SRGAP3: variants seen among roughly 807,000 people sequenced by gnomAD.
SRGAP3 encodes the protein SLIT-ROBO Rho GTPase-activating protein 3.
Under a neutral mutation model 121.1 loss-of-function variants are expected in SRGAP3, and 39 were observed. The observed-to-expected ratio is 0.32, with a 90% CI of 0.25 to 0.42. The LOEUF is 0.42. Ranked by LOEUF, SRGAP3 falls within the 10% of genes least tolerant of loss-of-function variation. The pLI is 1.00. For synonymous variants in SRGAP3, 601 were observed against 570.0 expected (o/e 1.05, Z -0.77); for missense variants, 1,213 against 1,470.6 (o/e 0.82, Z 2.86).
chr3:9,243,373 G>A (rs943740171), intron 1 of SRGAP3, among the ~76,000 whole-genome samples: 46 of 152,110 alleles, frequency 3.0e-4, no homozygotes, highest in African/African-American at 1.0e-3. Context: ...GGTGGCTCAC[G>A]TCTGTAATCC....
chr3:9,295,892 C>T (rs1439873796), intron 3 of SRGAP3, among the ~76,000 whole-genome samples: 8 of 152,178 alleles, frequency 5.3e-5, no homozygotes, highest in Admixed American at 2.0e-4. Context: ...GAATCATATA[C>T]ATATACCCTT....
rs572221256 is a variant in SRGAP3 at position 9,350,826 on chromosome 3, A to G, written n.214+12014T>C. On this transcript the variant is annotated intron_variant and non_coding_transcript_variant, in intron 1 of 3. Coordinates refer to the SRGAP3 transcript ENST00000490889. ...GCTGAATTTCTCACCAGCACCAACC[A>G]TAATATTAATAGATACCATTAACTG... 2.0e-5 allele frequency among the ~76,000 whole-genome samples: 3 copies of G among 152,340 alleles called. No individual in the cohort carries two copies. The South Asian group carries it at 6.2e-4, about 32-fold the overall frequency.
chr3:9,019,947 T>G (rs1943831624), intron 14 of SRGAP3, among the ~76,000 whole-genome samples: 1 of 152,006 alleles, frequency 6.6e-6, no homozygotes, highest in Non-Finnish European at 1.5e-5. Context: ...AGAGAGAAAA[T>G]AAACACACCA....
In SRGAP3 at chr3:8,985,386, C is replaced by T; in HGVS notation, c.*133G>A. ...AGCCAGCGCCCGGGCCTCAGCTCTG[C>T]ACAGACACACCCTCCCAGACGGACC... is the stretch of plus-strand genomic sequence containing the variant. On this transcript the variant is annotated 3_prime_UTR_variant, in exon 22 of 22. Transcript: ENST00000383836. The surrounding 1 kb of genome is among the most constrained non-coding windows in gnomAD (Gnocchi z 5.1). The T allele has an allele frequency of 6.1e-6, 9 of 1,480,940 alleles. No homozygotes were observed. The highest frequency in any genetic ancestry group is 8.0e-6 in the Non-Finnish European group (9 of 1,120,862). 91.7% of individuals were successfully genotyped at this position (1,480,940 alleles called of 1,614,324 possible).
At chr3:9,098,913 G>GA (rs1948097616) in intron 3 of SRGAP3, among the ~76,000 whole-genome samples, 1 of 152,148 alleles carries the variant, frequency 6.6e-6, no homozygotes, top group South Asian at 2.1e-4. Context: ...ATCTCCCTGG[G>GA]AGACGGTGGA....
At chr3:9,044,171 T>C (rs1292375112) in intron 10 of SRGAP3, among the ~76,000 whole-genome samples, 5 of 152,192 alleles carry the variant, frequency 3.3e-5, no homozygotes, top group Admixed American at 1.3e-4. Context: ...ACCTTGGGTT[T>C]CATCTAACTT....
At chr3:9,056,650 G>T (rs1357119689) in intron 7 of SRGAP3, among the ~76,000 whole-genome samples, 1 of 152,156 alleles carries the variant, frequency 6.6e-6, no homozygotes, top group African/African-American at 2.4e-5. Context: ...AAACTAACTG[G>T]TTAATTTCAA....
chr3:9,231,404 G>T (rs1319595013), intron 1 of SRGAP3, among the ~76,000 whole-genome samples: 1 of 152,118 alleles, frequency 6.6e-6, no homozygotes, highest in East Asian at 1.9e-4. Context: ...TTAGAAAACT[G>T]GGCAATTAAA....
intron 9 of SRGAP3, among the ~76,000 whole-genome samples, chr3:9,048,751 G>A (rs1043024769): frequency 2.0e-5 from 3 of 152,162 alleles, no homozygotes; most frequent in African/African-American, 7.2e-5. Context: ...TTGAGCCCAG[G>A]AGGTTGAGGC....
rs35955575 is a variant in SRGAP3 at position 9,277,607 on chromosome 3, C to CAAA, written n.442+48400_442+48402dup. ...TGGATGACAGAGTGAGAAGCCATCTCAAAAAAAAAAAAAAAAAAAAAAATT... is the reference window on the plus strand; with the variant it reads ...TGGATGACAGAGTGAGAAGCCATCTCAAAAAAAAAAAAAAAAAAAAAAAAAATT... On this transcript the variant is annotated intron_variant and non_coding_transcript_variant, in intron 3 of 3. Transcript: ENST00000490889. 1.5e-3 allele frequency among the ~76,000 whole-genome samples: 88 copies of CAAA among 59,726 alleles called. 4 individuals carry two copies. The highest frequency in any genetic ancestry group is 5.1e-3 in the African/African-American group (67 of 13,204). 39.2% of individuals were successfully genotyped at this position (59,726 alleles called of 152,430 possible).
At chr3:9,308,774 C>G (rs1445054376) in intron 3 of SRGAP3, among the ~76,000 whole-genome samples, 1 of 152,130 alleles carries the variant, frequency 6.6e-6, no homozygotes, top group African/African-American at 2.4e-5. Context: ...TTGGCTCTAC[C>G]AAGGGATGAA....
At chr3:9,354,088 C>G (rs1225597856) in intron 1 of SRGAP3, among the ~76,000 whole-genome samples, 1 of 151,542 alleles carries the variant, frequency 6.6e-6, no homozygotes, top group Non-Finnish European at 1.5e-5. Flanking sequence ...TGTAGAGGAA[C>G]AAACTACATT....
intron 3 of SRGAP3, among the ~76,000 whole-genome samples, chr3:9,296,324 T>C (rs1478764371): frequency 1.3e-5 from 2 of 152,350 alleles, no homozygotes; most frequent in South Asian, 2.1e-4. Context: ...TTTTTGATAA[T>C]AGTCATCCTA....
chr3:9,255,962 C>T (rs1169876114), intron 3 of SRGAP3, among the ~76,000 whole-genome samples: 1 of 152,134 alleles, frequency 6.6e-6, no homozygotes, highest in Admixed American at 6.5e-5. Flanking sequence ...TGGCTCACAA[C>T]AAATGGGAGA....
At chr3:9,090,534 T>A (rs1021605584) in intron 3 of SRGAP3, among the ~76,000 whole-genome samples, 6 of 152,232 alleles carry the variant, frequency 3.9e-5, no homozygotes, top group Non-Finnish European at 8.8e-5. Flanking sequence ...ATGATTTGAT[T>A]TTGTTTTCAA....
chr3:9,080,412 T>C lies in SRGAP3; in HGVS notation c.424-325A>G, dbSNP rs76904227. Reference sequence around the variant, plus strand: ...GCCCCACAGAATTTTTCTTTAATTCTACGTGTACTAAGCTGGTATGACCAG... The same window carrying C: ...GCCCCACAGAATTTTTCTTTAATTCCACGTGTACTAAGCTGGTATGACCAG... On this transcript the variant is annotated intron_variant, in intron 3 of 21. Coordinates refer to ENST00000383836, the MANE Select transcript of SRGAP3 (RefSeq NM_014850.4). Among the ~76,000 whole-genome samples the C allele has an allele frequency of 4.2e-3, 638 of 152,360 alleles. 5 individuals are homozygous for C. Among genetic ancestry groups the C allele is most frequent in the African/African-American group, 0.015 (603 of 41,586 alleles).
intron 3 of SRGAP3, among the ~76,000 whole-genome samples, chr3:9,273,134 G>A (rs992110005): frequency 2.0e-5 from 3 of 152,098 alleles, no homozygotes; most frequent in Non-Finnish European, 2.9e-5. Context: ...TTCTGATAAG[G>A]GGCACGCAAC....
At chr3:9,299,713 C>A (rs775086176) in intron 3 of SRGAP3, among the ~76,000 whole-genome samples, 1 of 152,054 alleles carries the variant, frequency 6.6e-6, no homozygotes. Flanking sequence ...AGTTCGAGAC[C>A]AGCCTGGCCA....
In SRGAP3 at chr3:9,109,454, T is replaced by C. The variant is rs1224535985; in HGVS notation, c.261-4612A>G. On this transcript the variant is annotated intron_variant, in intron 2 of 21. Transcript: ENST00000383836. This position sits in a 1 kb window ranked among gnomAD's most constrained non-coding sequence, Gnocchi z 4.4. ...CGAGCCAAGGCAAGGAGGAGGATGTTACCCGAAAGCAGCCAAAGACTCAAG... is the reference window on the plus strand; with the variant it reads ...CGAGCCAAGGCAAGGAGGAGGATGTCACCCGAAAGCAGCCAAAGACTCAAG... Among the ~76,000 whole-genome samples the C allele has an allele frequency of 6.6e-6, 1 of 152,178 alleles. No individual in the cohort carries two copies. Among genetic ancestry groups the C allele is most frequent in the Non-Finnish European group, 1.5e-5 (1 of 68,028 alleles).
Sources: gnomAD v4.1 joint callset for allele counts (sites outside exome capture counted in the v4.1 genomes callset) on GRCh38, gnomAD v4.1.1 for gene constraint, Gnocchi (gnomAD v3.1) non-coding constraint, MANE v1.5 for transcripts, NCBI Gene and HGNC (gene_info 2026-07-23, HGNC 2026-07-21) for gene names.